Variants in PTPRT observed in about 807,000 individuals in gnomAD.
PTPRT encodes the protein protein tyrosine phosphatase receptor type T, also known as receptor-type tyrosine-protein phosphatase T.
Under a neutral mutation model 176.8 loss-of-function variants are expected in PTPRT, and 56 were observed. The observed-to-expected ratio is 0.32, with a 90% CI of 0.26 to 0.40. PTPRT has a LOEUF of 0.40. PTPRT is among the 10% of genes least tolerant of loss of function. PTPRT has a pLI of 1.00. For synonymous variants in PTPRT, 783 were observed against 739.0 expected, an observed-to-expected ratio of 1.06 and a Z score of -0.96; for missense variants, 1,540 against 1,908.2, an observed-to-expected ratio of 0.81 and a Z score of 3.60.
chr20:42,438,401 A>G (rs2059282127), intron 9 of PTPRT, among the ~76,000 whole-genome samples: 1 of 152,160 alleles, frequency 6.6e-6, no homozygotes, highest in Non-Finnish European at 1.5e-5. Context: ...TTACCATGGC[A>G]CGGATATGAG....
At chr20:42,786,824 G>T (rs2145525427) in intron 3 of PTPRT, among the ~76,000 whole-genome samples, 1 of 152,272 alleles carries the variant, frequency 6.6e-6, no homozygotes, top group Admixed American at 6.5e-5. Flanking sequence ...ATGATACAGT[G>T]GTGACAGTCT....
intron 2 of PTPRT, among the ~76,000 whole-genome samples, chr20:42,831,673 A>G (rs2078091335): frequency 1.3e-5 from 2 of 152,316 alleles, no homozygotes; most frequent in South Asian, 4.1e-4. Flanking sequence ...GAACTTAAAC[A>G]CATTTATGAG....
intron 1 of PTPRT, among the ~76,000 whole-genome samples, chr20:42,956,440 T>C (rs1341800039): frequency 6.6e-6 from 1 of 152,024 alleles, no homozygotes; most frequent in Non-Finnish European, 1.5e-5. Flanking sequence ...AGACACCTGC[T>C]CCTACTCTAG....
intron 13 of PTPRT, among the ~76,000 whole-genome samples, chr20:42,267,618 A>G (rs2056861178): frequency 6.6e-6 from 1 of 152,144 alleles, no homozygotes. Context: ...GGTTGTTACA[A>G]TTGGGGTTGA....
At chr20:42,484,700 G>T (rs1182184954) in intron 7 of PTPRT, among the ~76,000 whole-genome samples, 2 of 152,196 alleles carry the variant, frequency 1.3e-5, no homozygotes, top group Non-Finnish European at 2.9e-5. Context: ...TCTCAACACA[G>T]TTTGAAAACC....
chr20:42,766,091 T>C (rs2076978856), intron 5 of PTPRT, among the ~76,000 whole-genome samples: 1 of 152,238 alleles, frequency 6.6e-6, no homozygotes, highest in East Asian at 1.9e-4. Context: ...CACTTATAAT[T>C]ATGTTGGTAT....
intron 1 of PTPRT, among the ~76,000 whole-genome samples, chr20:43,173,783 T>C (rs1410306689): frequency 6.6e-6 from 1 of 152,238 alleles, no homozygotes; most frequent in Admixed American, 6.5e-5. Flanking sequence ...CTTGTATGAC[T>C]GGGATAGTTG....
chr20:42,289,105 T>C (rs2057278865), intron 12 of PTPRT, among the ~76,000 whole-genome samples: 1 of 151,912 alleles, frequency 6.6e-6, no homozygotes, highest in Admixed American at 6.6e-5. Flanking sequence ...TCACTACCTC[T>C]CACCATATAA....
At chr20:42,603,360 G>A (rs2073816546) in intron 7 of PTPRT, among the ~76,000 whole-genome samples, 1 of 152,108 alleles carries the variant, frequency 6.6e-6, no homozygotes, top group Non-Finnish European at 1.5e-5. Flanking sequence ...AGGGGGCTAG[G>A]GGTGGGGTGG....
chr20:42,153,732 G>T (rs1989231077), intron 17 of PTPRT, among the ~76,000 whole-genome samples: 1 of 152,020 alleles, frequency 6.6e-6, no homozygotes, highest in Non-Finnish European at 1.5e-5. Context: ...TGTCTCCATG[G>T]TCATGCATGA....
rs942894154 is a variant in PTPRT, at chr20:42,076,196, C to T, written c.*4683G>A. ...AGTAATCTCGATTTCCTAATAGTGC[C>T]CCCTCCAAGGTGCTAGGTGCTGTAG... is the stretch of plus-strand genomic sequence containing the variant. On this transcript the variant is annotated 3_prime_UTR_variant, in exon 31 of 31. Transcript: ENST00000373187. 16 of 205,554 alleles carry T rather than the reference C, an allele frequency of 7.8e-5. No homozygotes were observed. Among genetic ancestry groups the T allele is most frequent in the African/African-American group, 3.2e-4 (14 of 43,740 alleles). 12.7% of individuals were successfully genotyped at this position (205,554 alleles called of 1,614,324 possible).
At position 42,074,280 on chromosome 20, in the gene PTPRT, G is replaced by C. The variant is rs956738210; in HGVS notation, c.*6599C>G. On this transcript the variant is annotated 3_prime_UTR_variant, in exon 31 of 31. Transcript: ENST00000373187. ...CATCATAGAGAAGGCCCACTGATTT[G>C]TATTCATAAGCCCAAAGGCACTGAA... The C allele has an allele frequency of 2.6e-5, 6 of 229,562 alleles. No individual in the cohort carries two copies. Among genetic ancestry groups the C allele is most frequent in the African/African-American group, 1.3e-4 (6 of 45,108 alleles). The allele number at this position is 229,562 out of a possible 1,614,324, so 14.2% of individuals were successfully genotyped here. A position where few individuals can be genotyped will look rare whatever the true frequency, so the allele number is the denominator to read the frequency against.
At chr20:42,668,302 T>G (rs2075352121) in intron 7 of PTPRT, among the ~76,000 whole-genome samples, 1 of 152,204 alleles carries the variant, frequency 6.6e-6, no homozygotes, top group African/African-American at 2.4e-5. Context: ...CTTTTCCTGT[T>G]GCTTTGGAAT....
intron 16 of PTPRT, among the ~76,000 whole-genome samples, chr20:42,169,791 CAA>C (rs1491538637): frequency 0.031 from 3,084 of 98,364 alleles, 66 homozygotes; most frequent in Middle Eastern, 0.067. Context: ...CACACACACA[CAA>C]CAGTCAGTAT....
chr20:42,488,122 T>C (rs1299017902), intron 7 of PTPRT, among the ~76,000 whole-genome samples: 9 of 152,164 alleles, frequency 5.9e-5, no homozygotes, highest in Admixed American at 1.3e-4. Context: ...GGGTGTGTTC[T>C]CTCCATCATT....
chr20:42,044,150 A>G, the PTPRT span, among the ~76,000 whole-genome samples: 2 of 152,206 alleles, frequency 1.3e-5, no homozygotes, highest in African/African-American at 4.8e-5. Context: ...TGTTTCCCAG[A>G]AGGAGGGGTA....
intron 11 of PTPRT, among the ~76,000 whole-genome samples, chr20:42,320,115 A>G (rs1417251604): frequency 1.3e-5 from 2 of 152,212 alleles, no homozygotes; most frequent in Non-Finnish European, 2.9e-5. Context: ...GCAAGGATCT[A>G]AGAGTTATAC....
At chr20:43,140,443 AGTGTGTGTGTGTGTGTGTGTGT>A (rs6147356) in intron 1 of PTPRT, among the ~76,000 whole-genome samples, 2,310 of 146,540 alleles carry the variant, frequency 0.016, 24 homozygotes, top group Non-Finnish European at 0.02. Flanking sequence ...ACCTCTGGGT[AGTGTGTGTGTGTGTGTGTGTGT>A]GTGTGTGTGT....
rs2011419569 is a variant in PTPRT, at chr20:43,080,785, T to C, written c.88+108861A>G. Among the ~76,000 whole-genome samples the C allele has an allele frequency of 2.0e-5, 3 of 152,222 alleles. 1 individual carries two copies. On this transcript the variant is annotated intron_variant, in intron 1 of 30. Coordinates refer to ENST00000373187, the MANE Select transcript of PTPRT (RefSeq NM_007050.6). The stretch of plus-strand genomic sequence containing the variant: ...AGCAGTTAGAGATTCTCACATTCTT[T>C]ATTTTTCTGCTGGCTGGAAATGCAG...
Sources: allele counts gnomAD v4.1 joint callset (sites outside exome capture counted in the v4.1 genomes callset), GRCh38; gene constraint gnomAD v4.1.1; transcripts MANE v1.5; gene names NCBI Gene and HGNC (gene_info 2026-07-23, HGNC 2026-07-21).